The following RGL2 variants were observed in gnomAD, a reference collection of about 807,000 sequenced individuals.
RGL2 encodes ral guanine nucleotide dissociation stimulator-like 2.
RGL2 carries 40 observed loss-of-function variants against 84.6 expected under a neutral mutation model. That is an observed-to-expected ratio of 0.47 (90% CI 0.37 to 0.62). RGL2 has a LOEUF of 0.62. Ranked by LOEUF, RGL2 falls within the 20% of genes least tolerant of loss-of-function variation. The pLI is 0.00. For synonymous variants in RGL2, 369 were observed against 417.3 expected, an observed-to-expected ratio of 0.88 and a Z score of 1.41; for missense variants, 865 against 1,019.7, an observed-to-expected ratio of 0.85 and a Z score of 2.07.
Position 33,296,391 on chromosome 6 carries a change from A to T in RGL2, c.470+23T>A, listed in dbSNP as rs1562665957. ...CAGCCTGGGCAGAGGGGACTGTGAG[A>T]TTAAGAACCAGGGGTCACTCACTCT... On this transcript the variant is annotated intron_variant, in intron 5 of 17. Transcript: ENST00000497454. The surrounding 1 kb of genome is among the most constrained non-coding windows in gnomAD (Gnocchi z 5.0). The T allele has an allele frequency of 3.1e-6, 5 of 1,608,164 alleles. No individual in the cohort carries two copies. The East Asian group carries it at 1.1e-4, about 36-fold the overall frequency.
chr6:33,292,595 CCTT>C (rs1418366764), intron 16 of RGL2, 51 bp from the exon 17 acceptor site: 4 of 1,453,754 alleles, frequency 2.8e-6, no homozygotes, highest in East Asian at 2.3e-5. Context: ...GATTTCCCAT[CCTT>C]CTACCCTCAG....
Position 33,294,712 on chromosome 6 carries a change from A to C in RGL2, c.1329T>G (p.Asp443Glu). ...GTFLKDLVML[D>E]AASKDELENG... ...CCTCCAACTCATCCTTGGAGGCTGC[A>C]TCCAGCATCACAAGGTCCTTCAGGA... is the stretch of plus-strand genomic sequence containing the variant. Residue 443 changes from aspartate to glutamate, a missense_variant, in exon 11 of 18, where the codon GAT becomes GAG. Asp to Glu is a conservative substitution (Grantham distance 45, BLOSUM62 2). Coordinates refer to ENST00000497454, the MANE Select transcript of RGL2 (RefSeq NM_004761.5). The surrounding 1 kb of genome is among the most constrained non-coding windows in gnomAD (Gnocchi z 5.0). 1.9e-6 allele frequency: 3 copies of C among 1,614,048 alleles called. No homozygotes were observed. The highest frequency in any genetic ancestry group is 1.7e-6 in the Non-Finnish European group (2 of 1,179,994).
rs374025872 is a variant in RGL2, at chr6:33,296,221, G to A, written c.575C>T (p.Thr192Ile). Residue 192 changes from threonine to isoleucine, a missense_variant, in exon 6 of 18, where the codon ACA becomes ATA. Coordinates refer to ENST00000497454, the MANE Select transcript of RGL2 (RefSeq NM_004761.5). The surrounding 1 kb of genome is among the most constrained non-coding windows in gnomAD (Gnocchi z 5.0). ...AACACCCTTCCCTGCTGCATACCCT[G>A]TCTGAAGTAAGAAGCTCTCAAGCCG... ...LDRLESFLLQ[T>I]GYAAGKGVGG... The A allele has an allele frequency of 2.5e-6, 4 of 1,613,988 alleles. No homozygotes were observed. The highest frequency in any genetic ancestry group is 1.1e-5 in the South Asian group (1 of 91,084).
At chr6:33,300,861 G>A (rs1389099983), upstream of RGL2, 1 of 150,672 alleles carries the variant, frequency 6.6e-6, no homozygotes, top group African/African-American at 2.4e-5. Flanking sequence ...AGCTACTTGG[G>A]AGGCTGAGGC....
chr6:33,294,677 A>G lies in RGL2; in HGVS notation c.1353+11T>C, dbSNP rs1367408951. 3.1e-6 allele frequency: 5 copies of G among 1,613,494 alleles called. No individual in the cohort carries two copies. Among genetic ancestry groups the G allele is most frequent in the Non-Finnish European group, 4.2e-6 (5 of 1,179,820 alleles). Reference sequence around the variant, plus strand: ...TACATCATTGCAATGACACACACACACACCACTGACCTCCAACTCATCCTT... The same window carrying G: ...TACATCATTGCAATGACACACACACGCACCACTGACCTCCAACTCATCCTT... On this transcript the variant is annotated intron_variant, in intron 11 of 17. Coordinates refer to ENST00000497454, the MANE Select transcript of RGL2 (RefSeq NM_004761.5). The surrounding 1 kb of genome is among the most constrained non-coding windows in gnomAD (Gnocchi z 5.0).
chr6:33,295,558 G>A lies in RGL2; in HGVS notation c.970C>T (p.Arg324Cys), dbSNP rs1222869842. 16 of 1,613,808 alleles carry A rather than the reference G, an allele frequency of 9.9e-6. No individual in the cohort carries two copies. Among genetic ancestry groups the A allele is most frequent in the African/African-American group, 4.0e-5 (3 of 74,906 alleles). ...AGGAGCCGGGCCCTCTGTGGGGGACGGAGTGGCCGTATGGTCACCTCCCCA... is the reference window on the plus strand; with the variant it reads ...AGGAGCCGGGCCCTCTGTGGGGGACAGAGTGGCCGTATGGTCACCTCCCCA... ...GPGEVTIRPL[R>C]PPQRARLLEK... The change falls in exon 7 of 18, where the codon CGT becomes TGT. Residue 324 changes from arginine (R) to cysteine (C), a missense_variant. Arg to Cys is a radical substitution (Grantham distance 180). Transcript: ENST00000497454. The surrounding 1 kb of genome is among the most constrained non-coding windows in gnomAD (Gnocchi z 7.2).
chr6:33,298,667 GT>G lies in RGL2; in HGVS notation c.-41-17del. ...ATGGGGGCGCCTGGGGAGAGACGGG[GT>G]GGGGTGGGGGTGGAGAGTCAGGCAG... On this transcript the variant is annotated splice_polypyrimidine_tract_variant and intron_variant, in intron 1 of 17. Coordinates refer to ENST00000497454, the MANE Select transcript of RGL2 (RefSeq NM_004761.5). The surrounding 1 kb of genome is among the most constrained non-coding windows in gnomAD (Gnocchi z 4.8). 2.5e-6 allele frequency: 3 copies of G among 1,218,544 alleles called. No homozygotes were observed. Among genetic ancestry groups the G allele is most frequent in the Non-Finnish European group, 3.3e-6 (3 of 911,198 alleles). The allele number at this position is 1,218,544 out of a possible 1,614,324, so 75.5% of individuals were successfully genotyped here.
Position 33,293,819 on chromosome 6 carries a change from A to T in RGL2, c.1484T>A (p.Leu495His). ...DHDIQRWLQG[L>H]RPLTEAQSHR... is the part of the protein sequence containing the mutation. ...CCTCTGAGCCTCTGTCAGTGGCCGG[A>T]GCCCCTGTAGCCACCTCTGGATATC... is the stretch of plus-strand genomic sequence containing the variant. Residue 495 changes from leucine (L) to histidine (H), a missense_variant, in exon 13 of 18, where the codon CTC (leucine) becomes CAC (histidine). Physicochemically the swap from Leu to His is moderately conservative, Grantham distance 99. This residue lies in a region of RGL2 where 75 missense variants were observed against 130.8 expected (regional missense o/e 0.57). Transcript: ENST00000497454. The surrounding 1 kb of genome is among the most constrained non-coding windows in gnomAD (Gnocchi z 7.0). 6.2e-7 allele frequency: 1 copy of T among 1,614,120 alleles called. No individual in the cohort carries two copies. The highest frequency in any genetic ancestry group is 8.5e-7 in the Non-Finnish European group (1 of 1,180,020).
At position 33,294,622 on chromosome 6, in the gene RGL2, G is replaced by T; in HGVS notation, c.1353+66C>A. The T allele has an allele frequency of 6.4e-7, 1 of 1,559,334 alleles. No homozygotes were observed. Among genetic ancestry groups the T allele is most frequent in the Non-Finnish European group, 8.8e-7 (1 of 1,134,682 alleles). ...CTTACAGCCCCTTGCAAGGGGCGGG[G>T]GGGTCTGTCCGACCCTGCAGCCCAC... On this transcript the variant is annotated intron_variant, in intron 11 of 17. Transcript: ENST00000497454. This position sits in a 1 kb window ranked among gnomAD's most constrained non-coding sequence, Gnocchi z 5.0.
At position 33,297,729 on chromosome 6, in the gene RGL2, G is replaced by A. The variant is rs1045911031; in HGVS notation, c.157-614C>T. ...GGGTTGGGGGCGGTAGACTCAGAGAGTCACGTGGCCCCAGCCCCTCCCCCG... is the reference window on the plus strand; with the variant it reads ...GGGTTGGGGGCGGTAGACTCAGAGAATCACGTGGCCCCAGCCCCTCCCCCG... On this transcript the variant is annotated intron_variant, in intron 2 of 17. Transcript: ENST00000497454. The surrounding 1 kb of genome is among the most constrained non-coding windows in gnomAD (Gnocchi z 4.0). 2.6e-5 allele frequency: 4 copies of A among 152,480 alleles called. No individual in the cohort carries two copies. The highest frequency in any genetic ancestry group is 9.7e-5 in the African/African-American group (4 of 41,422). The allele number at this position is 152,480 out of a possible 1,614,324, so 9.4% of individuals were successfully genotyped here.
chr6:33,292,471 G>A lies in RGL2; in HGVS notation c.2081C>T (p.Ala694Val). 1.2e-6 allele frequency: 2 copies of A among 1,614,132 alleles called. No homozygotes were observed. Among genetic ancestry groups the A allele is most frequent in the East Asian group, 2.2e-5 (1 of 44,882 alleles). ...LKKNNRDSAV[A>V]SEYELVQLLP... ...CAGCTGTACCAGCTCATACTCTGAA[G>A]CCACTGCAGAGTCACGATTGTTTTT... is the stretch of plus-strand genomic sequence containing the variant. The change falls in exon 17 of 18, where the codon GCT becomes GTT. Residue 694 changes from alanine to valine, a missense_variant. By Grantham distance (64) the Ala-to-Val change is moderately conservative (BLOSUM62 0). Around this residue, in one of 5 missense-constraint regions of RGL2, gnomAD observed 302 missense variants for 327.9 expected, o/e 0.92. Coordinates refer to ENST00000497454, the MANE Select transcript of RGL2 (RefSeq NM_004761.5).
upstream of RGL2, chr6:33,301,521 C>A: frequency 1.9e-6 from 1 of 527,064 alleles, no homozygotes; most frequent in African/African-American, 1.9e-5. Flanking sequence ...TTGCAGTAAG[C>A]CAAGATCATG....
At chr6:33,299,506 C>G (rs190431839), upstream of RGL2, among the ~76,000 whole-genome samples, 4 of 152,234 alleles carry the variant, frequency 2.6e-5, no homozygotes, top group East Asian at 1.9e-4. The surrounding 1 kb of genome is among the most constrained non-coding windows in gnomAD (Gnocchi z 5.0). Context: ...AGACCGAGAT[C>G]CCCGTCGGCT....
Position 33,296,915 on chromosome 6 carries a change from C to T in RGL2, c.240+117G>A. 1.4e-6 allele frequency: 2 copies of T among 1,480,066 alleles called. No individual in the cohort carries two copies. Among genetic ancestry groups the T allele is most frequent in the South Asian group, 1.1e-5 (1 of 88,022 alleles). 91.7% of individuals were successfully genotyped at this position (1,480,066 alleles called of 1,614,324 possible). A position where few individuals can be genotyped will look rare whatever the true frequency, so the allele number is the denominator to read the frequency against. On this transcript the variant is annotated intron_variant, in intron 3 of 17. Coordinates refer to ENST00000497454, the MANE Select transcript of RGL2 (RefSeq NM_004761.5). The surrounding 1 kb of genome is among the most constrained non-coding windows in gnomAD (Gnocchi z 5.0). ...AGGGCAAGAGTCTTGGCCTATGTCA[C>T]ACAGCAGAGTCCAGGACTCCAGAAC... is the stretch of plus-strand genomic sequence containing the variant.
Position 33,291,697 on chromosome 6 carries a change from CAGT to C in RGL2, c.*402_*404del, listed in dbSNP as rs1307418582. On this transcript the variant is annotated 3_prime_UTR_variant, in exon 18 of 18. Transcript: ENST00000497454. ...TTGGTTTATTATCTTAGTGTTGTCACAGTGATAGAAACCCCCAGAGTGGGAAGA... is the reference window on the plus strand; with the variant it reads ...TTGGTTTATTATCTTAGTGTTGTCACGATAGAAACCCCCAGAGTGGGAAGA... The C allele has an allele frequency of 6.2e-6, 2 of 324,266 alleles. No homozygotes were observed. The highest frequency in any genetic ancestry group is 9.6e-5 in the Admixed American group (2 of 20,846). 20.1% of individuals were successfully genotyped at this position (324,266 alleles called of 1,614,324 possible). A position where few individuals can be genotyped will look rare whatever the true frequency, so the allele number is the denominator to read the frequency against.
Position 33,297,043 on chromosome 6 carries a change from G to A in RGL2, c.229C>T (p.Leu77Phe), listed in dbSNP as rs1226698607. 1 of 1,582,074 alleles carries A rather than the reference G, an allele frequency of 6.3e-7. No homozygotes were observed. Among genetic ancestry groups the A allele is most frequent in the Middle Eastern group, 1.7e-4 (1 of 5,868 alleles). Residue 77 changes from leucine (L) to phenylalanine (F), a missense_variant, in exon 3 of 18, where the codon CTT (leucine) becomes TTT (phenylalanine). Coordinates refer to ENST00000497454, the MANE Select transcript of RGL2 (RefSeq NM_004761.5). This position sits in a 1 kb window ranked among gnomAD's most constrained non-coding sequence, Gnocchi z 4.0. ...AGTCATGATCTCACCAAGGGATCAA[G>A]AGGTCGATATTGGCGGCTTGTGACG... ...FTVTSRQYRPLDPLVPMPPPR... is the reference protein window; with the variant it reads ...FTVTSRQYRPFDPLVPMPPPR...
chr6:33,292,896 A>G, intron 16 of RGL2, 120 bp downstream of exon 16: 4 of 1,270,300 alleles, frequency 3.1e-6, no homozygotes, highest in Non-Finnish European at 4.4e-6. Flanking sequence ...ATAACTGCCA[A>G]AACCAAAGGT....
In RGL2 at chr6:33,298,370, A is replaced by C; in HGVS notation, c.156+85T>G. 1.4e-6 allele frequency: 1 copy of C among 703,556 alleles called. No homozygotes were observed. Among genetic ancestry groups the C allele is most frequent in the Non-Finnish European group, 2.3e-6 (1 of 433,374 alleles). 43.6% of individuals were successfully genotyped at this position (703,556 alleles called of 1,614,324 possible). ...CGCGAGAATAACTGAGGCAAGGAGG[A>C]GGAGATGTAGGGACCCAGAGACAAG... On this transcript the variant is annotated intron_variant, in intron 2 of 17. Coordinates refer to ENST00000497454, the MANE Select transcript of RGL2 (RefSeq NM_004761.5). This position sits in a 1 kb window ranked among gnomAD's most constrained non-coding sequence, Gnocchi z 4.8.
upstream of RGL2, chr6:33,301,545 G>T (rs1768582727): frequency 1.2e-5 from 7 of 577,052 alleles, no homozygotes; most frequent in Non-Finnish European, 1.8e-5. Context: ...CTGCACTGCA[G>T]CCTGGGCGGA....
Sources: gnomAD v4.1 joint callset for allele counts (sites outside exome capture counted in the v4.1 genomes callset) on GRCh38, gnomAD v4.1.1 for gene constraint, gnomAD v4.1.1 regional missense constraint, Gnocchi (gnomAD v3.1) non-coding constraint, MANE v1.5 for transcripts, NCBI Gene and HGNC (gene_info 2026-07-23, HGNC 2026-07-21) for gene names.